RIPK3: variants seen among roughly 807,000 people sequenced by gnomAD.
RIPK3 encodes the protein receptor interacting serine/threonine kinase 3.
A neutral mutation model predicts 51.6 loss-of-function variants in RIPK3; 51 were observed. The observed-to-expected ratio is 0.99, with a 90% CI of 0.79 to 1.25. RIPK3 has a LOEUF of 1.25. Ranked by LOEUF, RIPK3 falls within the 50% of genes most tolerant of loss-of-function variation. The pLI, the probability that RIPK3 is intolerant of heterozygous loss-of-function variation, is 0.00. For synonymous variants in RIPK3, 246 were observed against 257.7 expected, an observed-to-expected ratio of 0.95 and a Z score of 0.44; for missense variants, 654 against 650.4, an observed-to-expected ratio of 1.01 and a Z score of -0.06.
chr14:24,339,695 C>T lies in RIPK3; in HGVS notation c.21-98G>A. On this transcript the variant is annotated intron_variant, in intron 1 of 9. Transcript: ENST00000216274. This position sits in a 1 kb window ranked among gnomAD's most constrained non-coding sequence, Gnocchi z 4.0. ...GCGTTCTCACTGCAATCCCCAGCCT[C>T]CCTCGCCGGCCCCCACCGTCCCCGG... 1 of 1,583,698 alleles carries T rather than the reference C, an allele frequency of 6.3e-7. No homozygotes were observed. The highest frequency in any genetic ancestry group is 2.2e-5 in the East Asian group (1 of 44,490).
At chr14:24,338,805 G>T in intron 3 of RIPK3, 1 of 682,022 alleles carries the variant, frequency 1.5e-6, no homozygotes. Context: ...GCAGCTGGTG[G>T]AAATGACTCG....
At chr14:24,338,939 T>C (rs2139241545) in intron 3 of RIPK3, 76 bp downstream of exon 3, 1 of 1,169,590 alleles carries the variant, frequency 8.5e-7, no homozygotes, top group Non-Finnish European at 1.3e-6. Context: ...GCTCTGGAGG[T>C]CTAGTGTCCG....
chr14:24,339,128 G>GGCGGCAAAGGA lies in RIPK3; in HGVS notation c.347_357dup (p.Leu120SerfsTer6). ...ATCCCAAGCACCACTTCTTTCAGCA[G>GGCGGCAAAGGA]GCGGCAAAGGAGCGGCCAGGGCCGA... is the stretch of plus-strand genomic sequence containing the variant. On this transcript the variant is annotated frameshift_variant, in exon 3 of 10. Coordinates refer to ENST00000216274, the MANE Select transcript of RIPK3 (RefSeq NM_006871.4). LOFTEE classifies it high-confidence loss of function. The surrounding 1 kb of genome is among the most constrained non-coding windows in gnomAD (Gnocchi z 4.0). 1 of 1,614,226 alleles carries GGCGGCAAAGGA rather than the reference G, an allele frequency of 6.2e-7. No individual in the cohort carries two copies.
rs1429623613 is a variant in RIPK3, at chr14:24,336,941, G to GC, written c.1279dup (p.Ala427GlyfsTer2). On this transcript the variant is annotated frameshift_variant, in exon 9 of 10. Coordinates refer to ENST00000216274, the MANE Select transcript of RIPK3 (RefSeq NM_006871.4). LOFTEE classifies it high-confidence loss of function. ...GGACCAGTTCATGCCTTGTCTCTCA[G>GC]CCCCCTGCAAACAGCACAGAGCATC... The GC allele has an allele frequency of 6.2e-7, 1 of 1,613,804 alleles. No homozygotes were observed. The highest frequency in any genetic ancestry group is 1.3e-5 in the African/African-American group (1 of 74,892).
At position 24,336,261 on chromosome 14, in the gene RIPK3, G is replaced by T; in HGVS notation, c.1471C>A (p.Pro491Thr). ...CCTTCTTGCGAACCTACTGGTGGGG[G>T]GTGCTGCAAGCCCCTCCCCTTGCCC... Reference protein sequence around the residue: ...PSGKGRGLQHPPPVGSQEGPK... With the variant: ...PSGKGRGLQHTPPVGSQEGPK... Residue 491 changes from proline (P) to threonine (T), a missense_variant, in exon 10 of 10, where the codon CCC (proline) becomes ACC (threonine). Physicochemically the swap from Pro to Thr is conservative, Grantham distance 38. Transcript: ENST00000216274. 6.2e-7 allele frequency: 1 copy of T among 1,614,064 alleles called. No homozygotes were observed. Among genetic ancestry groups the T allele is most frequent in the Non-Finnish European group, 8.5e-7 (1 of 1,180,010 alleles).
In RIPK3 at chr14:24,338,384, T is replaced by G. The variant is rs943774521; in HGVS notation, c.617+38A>C. The G allele has an allele frequency of 5.0e-6, 8 of 1,591,138 alleles. No individual in the cohort carries two copies. In the African/African-American group the frequency reaches 1.1e-4, roughly 21 times the overall value. The stretch of plus-strand genomic sequence containing the variant: ...TCCCCTGGGAGGGCCCAGAGAAGTG[T>G]AGGAATCCTGGCTGTGTGTTTGGGC... On this transcript the variant is annotated intron_variant, in intron 4 of 9. Transcript: ENST00000216274.
Position 24,336,143 on chromosome 14 carries a change from C to G in RIPK3, c.*32G>C. ...CAAGGGGTGGCACTCTTCCTTAACT[C>G]GTAACTCTTGGAGGCAAGCTTGGAA... is the stretch of plus-strand genomic sequence containing the variant. On this transcript the variant is annotated 3_prime_UTR_variant, in exon 10 of 10. Coordinates refer to ENST00000216274, the MANE Select transcript of RIPK3 (RefSeq NM_006871.4). The G allele has an allele frequency of 6.3e-7, 1 of 1,598,368 alleles. No homozygotes were observed.
At position 24,339,359 on chromosome 14, in the gene RIPK3, G is replaced by A. The variant is rs1300113742; in HGVS notation, c.162-35C>T. The stretch of plus-strand genomic sequence containing the variant: ...AGGAGAGAGCTGGAGTCGCACCGGG[G>A]TCGTGGGAAAATCCCTCCCTTCGCC... On this transcript the variant is annotated intron_variant, in intron 2 of 9. Coordinates refer to ENST00000216274, the MANE Select transcript of RIPK3 (RefSeq NM_006871.4). This position sits in a 1 kb window ranked among gnomAD's most constrained non-coding sequence, Gnocchi z 4.0. 5 of 1,607,926 alleles carry A rather than the reference G, an allele frequency of 3.1e-6. No individual in the cohort carries two copies. The highest frequency in any genetic ancestry group is 4.3e-6 in the Non-Finnish European group (5 of 1,175,462).
rs142822920 is a variant in RIPK3 at position 24,336,245 on chromosome 14, G to A, written c.1487C>T (p.Ser496Leu). 1.2e-6 allele frequency: 2 copies of A among 1,614,040 alleles called. No individual in the cohort carries two copies. Among genetic ancestry groups the A allele is most frequent in the East Asian group, 4.5e-5 (2 of 44,882 alleles). The change falls in exon 10 of 10, where the codon TCG becomes TTG. Residue 496 changes from serine to leucine, a missense_variant. Coordinates refer to ENST00000216274, the MANE Select transcript of RIPK3 (RefSeq NM_006871.4). ...RGLQHPPPVG[S>L]QEGPKDPEAW... ...TTCAGGATCTTTAGGGCCTTCTTGC[G>A]AACCTACTGGTGGGGGGTGCTGCAA...
chr14:24,339,182 A>G lies in RIPK3; in HGVS notation c.304T>C (p.Leu102=), dbSNP rs3181247. 81,629 of 1,614,198 alleles carry G rather than the reference A, an allele frequency of 0.051. 2,590 individuals are homozygous for G. Among genetic ancestry groups the G allele is most frequent in the African/African-American group, 0.13 (9,437 of 75,050 alleles). The part of the protein sequence containing the change: ...LVTKFMENGS[L]SGLLQSQCPR... ...CACTGGGACTGCAGCAGCCCCGACA[A>G]GGAGCCGTTCTCCATGAATTTAGTC... The change falls in exon 3 of 10, where the codon TTG becomes CTG. Residue 102 remains leucine (L), a synonymous_variant. Transcript: ENST00000216274. This position sits in a 1 kb window ranked among gnomAD's most constrained non-coding sequence, Gnocchi z 4.0.
rs779011941 is a variant in RIPK3 at position 24,337,293 on chromosome 14, C to G, written c.1068G>C (p.Glu356Asp). ...ATTTTTTAGGAACAGAGCTGGGAGGCTCCTCTAGATTCAGTTTGTTTAGCC... is the reference window on the plus strand; with the variant it reads ...ATTTTTTAGGAACAGAGCTGGGAGGGTCCTCTAGATTCAGTTTGTTTAGCC... ...SEWLNKLNLEEPPSSVPKKCP... is the reference protein window; with the variant it reads ...SEWLNKLNLEDPPSSVPKKCP... Residue 356 changes from glutamate (E) to aspartate (D), a missense_variant, in exon 8 of 10, where the codon GAG (glutamate) becomes GAC (aspartate). Transcript: ENST00000216274. The G allele has an allele frequency of 3.1e-6, 5 of 1,614,062 alleles. No individual in the cohort carries two copies. In the East Asian group the frequency reaches 8.9e-5, roughly 29 times the overall value.
At chr14:24,338,174 G>C (rs1190775595) in intron 5 of RIPK3, 75 bp downstream of exon 5, 2 of 1,549,422 alleles carry the variant, frequency 1.3e-6, no homozygotes, top group Admixed American at 1.8e-5. Context: ...TAGGTGAGCG[G>C]GAAGGGGAAG....
At chr14:24,337,541 T>C in intron 7 of RIPK3, 81 bp from the exon 8 acceptor site, 1 of 1,610,532 alleles carries the variant, frequency 6.2e-7, no homozygotes, top group South Asian at 1.1e-5. Flanking sequence ...CGGTCCATAA[T>C]CTGTTGTCTG....
rs1349517019 is a variant in RIPK3 at position 24,337,255 on chromosome 14, G to T, written c.1106C>A (p.Thr369Asn). 2 of 1,614,040 alleles carry T rather than the reference G, an allele frequency of 1.2e-6. No individual in the cohort carries two copies. The highest frequency in any genetic ancestry group is 1.7e-6 in the Non-Finnish European group (2 of 1,180,022). ...CTCCTCTTGTGCCCTGCTCCTCTTG[G>T]TAAGGCTCGGGCATTTTTTAGGAAC... The part of the protein sequence containing the change: ...SSVPKKCPSL[T>N]KRSRAQEEQV... The change falls in exon 8 of 10, where the codon ACC becomes AAC. Residue 369 changes from threonine to asparagine, a missense_variant. Thr to Asn is a moderately conservative substitution (Grantham distance 65). Coordinates refer to ENST00000216274, the MANE Select transcript of RIPK3 (RefSeq NM_006871.4).
chr14:24,337,277 G>C lies in RIPK3; in HGVS notation c.1084C>G (p.Pro362Ala), dbSNP rs759666186. The stretch of plus-strand genomic sequence containing the variant: ...TTGGTAAGGCTCGGGCATTTTTTAG[G>C]AACAGAGCTGGGAGGCTCCTCTAGA... Reference protein sequence around the residue: ...LNLEEPPSSVPKKCPSLTKRS... With the variant: ...LNLEEPPSSVAKKCPSLTKRS... Residue 362 changes from proline (P) to alanine (A), a missense_variant, in exon 8 of 10, where the codon CCT (proline) becomes GCT (alanine). By Grantham distance (27) the Pro-to-Ala change is conservative. Coordinates refer to ENST00000216274, the MANE Select transcript of RIPK3 (RefSeq NM_006871.4). 3.1e-6 allele frequency: 5 copies of C among 1,613,910 alleles called. No homozygotes were observed. In the Admixed American group the frequency reaches 6.7e-5, roughly 22 times the overall value.
Position 24,336,392 on chromosome 14 carries a change from C to T in RIPK3, c.1340G>A (p.Arg447Gln), listed in dbSNP as rs778175709. The T allele has an allele frequency of 9.9e-6, 16 of 1,612,700 alleles. No individual in the cohort carries two copies. Among genetic ancestry groups the T allele is most frequent in the African/African-American group, 6.7e-5 (5 of 74,852 alleles). Residue 447 changes from arginine to glutamine, a missense_variant, in exon 10 of 10, where the codon CGA becomes CAA. Coordinates refer to ENST00000216274, the MANE Select transcript of RIPK3 (RefSeq NM_006871.4). ...RTPEPNPVTG[R>Q]PLVNIYNCSG... Reference sequence around the variant, plus strand: ...GCAGTTGTATATGTTAACGAGCGGTCGCCCTTTAAGAGAAATAGTGATGGT... The same window carrying T: ...GCAGTTGTATATGTTAACGAGCGGTTGCCCTTTAAGAGAAATAGTGATGGT...
rs2139242039 is a variant in RIPK3, at chr14:24,339,266, G to A, written c.220C>T (p.Arg74Cys). The A allele has an allele frequency of 2.5e-6, 4 of 1,613,990 alleles. No homozygotes were observed. The highest frequency in any genetic ancestry group is 3.4e-6 in the Non-Finnish European group (4 of 1,179,896). ...MASLDNEFVL[R>C]LEGVIEKVNW... ...ACCTTCTCGATAACCCCTTCTAGGC[G>A]CAGCACGAATTCGTTATCCAGACTT... Residue 74 changes from arginine to cysteine, a missense_variant, in exon 3 of 10, where the codon CGC becomes TGC. Transcript: ENST00000216274. The surrounding 1 kb of genome is among the most constrained non-coding windows in gnomAD (Gnocchi z 4.0).
intron 5 of RIPK3, 22 bp from the exon 6 acceptor site, chr14:24,338,062 A>G: frequency 6.2e-7 from 1 of 1,614,008 alleles, no homozygotes; most frequent in Non-Finnish European, 8.5e-7. Flanking sequence ...GAGGAGGGTG[A>G]GAAGAGAAGG....
Position 24,339,497 on chromosome 14 carries a change from T to G in RIPK3, c.121A>C (p.Arg41=), listed in dbSNP as rs115212551. 6.9e-5 allele frequency: 111 copies of G among 1,614,156 alleles called. 1 individual carries two copies. The African/African-American group carries it at 1.3e-3, about 19-fold the overall frequency. The part of the protein sequence containing the change: ...GFGTVFRAQH[R]KWGYDVAVKI... ...ACCGCCACATCGTAGCCCCACTTCC[T>G]ATGTTGCGCCCGGAACACTGTGCCG... Residue 41 remains arginine (R), a synonymous_variant, in exon 2 of 10, where the codon AGG becomes CGG. Transcript: ENST00000216274. The surrounding 1 kb of genome is among the most constrained non-coding windows in gnomAD (Gnocchi z 4.0).
Sources: allele counts gnomAD v4.1 joint callset, GRCh38; gene constraint gnomAD v4.1.1; non-coding constraint Gnocchi (gnomAD v3.1); transcripts MANE v1.5; gene names NCBI Gene and HGNC (gene_info 2026-07-23, HGNC 2026-07-21).